STMN4: variants seen among roughly 807,000 people sequenced by gnomAD.
The protein encoded by STMN4 is stathmin-4.
In STMN4, 12 loss-of-function variants were observed where a neutral mutation model predicts 29.1. The observed-to-expected ratio is 0.41, with a 90% CI of 0.26 to 0.67. The LOEUF (loss-of-function observed/expected upper bound fraction) is 0.67. Ranked by LOEUF, STMN4 falls within the 30% of genes least tolerant of loss-of-function variation. The probability of loss-of-function intolerance (pLI) is 0.30; values close to 1 mark genes in which losing one functional copy is unlikely to be tolerated. For missense variants in STMN4, 181 were observed against 262.8 expected (o/e 0.69, Z 2.15); for synonymous variants, 114 against 105.3 (o/e 1.08, Z -0.51).
At chr8:27,239,693 G>GA (rs976295683) in intron 6 of STMN4, 9 of 1,439,166 alleles carry the variant, frequency 6.3e-6, no homozygotes, top group Non-Finnish European at 7.3e-6. Flanking sequence ...GCTTCTTCTA[G>GA]AAAATCAGAC....
chr8:27,246,404 G>T (rs564726252), intron 1 of STMN4, among the ~76,000 whole-genome samples: 3 of 152,302 alleles, frequency 2.0e-5, no homozygotes. Context: ...TAATAGCCTC[G>T]TAAGGCAGGA....
chr8:27,243,933 C>G, intron 1 of STMN4, 132 bp from the exon 2 acceptor site: 1 of 764,236 alleles, frequency 1.3e-6, no homozygotes, highest in East Asian at 2.7e-5. Context: ...CCTCTCCCCA[C>G]CAACTCTCCC....
At chr8:27,256,262 T>C (rs1345196112) in intron 1 of STMN4, among the ~76,000 whole-genome samples, 1 of 152,124 alleles carries the variant, frequency 6.6e-6, no homozygotes, top group African/African-American at 2.4e-5. Flanking sequence ...TTTTGCCAAA[T>C]GAAAAGAGTT....
At chr8:27,241,591 AG>A (rs34449438) in intron 4 of STMN4, 85 bp downstream of exon 4, 2 of 1,476,308 alleles carry the variant, frequency 1.4e-6, no homozygotes, top group South Asian at 1.2e-5. Context: ...GGTGACAGGC[AG>A]GGGTGCGTTT....
chr8:27,239,004 C>T (rs565452627), intron 6 of STMN4, among the ~76,000 whole-genome samples: 4 of 152,352 alleles, frequency 2.6e-5, no homozygotes, highest in South Asian at 2.1e-4. Context: ...AGCCTGAGGG[C>T]CGACCCAGAT....
chr8:27,246,098 A>G (rs1181388161), intron 1 of STMN4, among the ~76,000 whole-genome samples: 1 of 152,182 alleles, frequency 6.6e-6, no homozygotes, highest in Admixed American at 6.5e-5. Context: ...ATACTCACTA[A>G]TGCTTTCTCT....
chr8:27,252,375 G>A (rs1471867664), intron 1 of STMN4, among the ~76,000 whole-genome samples: 1 of 152,128 alleles, frequency 6.6e-6, no homozygotes, highest in Non-Finnish European at 1.5e-5. Flanking sequence ...AGATCCCTGA[G>A]GAATCGCCAC....
At chr8:27,240,455 C>T (rs540865111) in intron 5 of STMN4, among the ~76,000 whole-genome samples, 1 of 152,220 alleles carries the variant, frequency 6.6e-6, no homozygotes, top group Admixed American at 6.5e-5. Context: ...TACTATGTGC[C>T]AGGCACTGGT....
At chr8:27,254,442 G>A (rs147151486) in intron 1 of STMN4, among the ~76,000 whole-genome samples, 1 of 152,136 alleles carries the variant, frequency 6.6e-6, no homozygotes, top group African/African-American at 2.4e-5. Context: ...CCAGCCCCAG[G>A]CTCCCGCCTT....
chr8:27,255,553 G>T (rs73239477), intron 1 of STMN4, among the ~76,000 whole-genome samples: 9,366 of 152,130 alleles, frequency 0.062, 396 homozygotes, highest in Non-Finnish European at 0.09. Flanking sequence ...TTTCCAATCC[G>T]TCTATACAGT....
At position 27,242,435 on chromosome 8, in the gene STMN4, A is replaced by G; in HGVS notation, c.71T>C (p.Leu24Pro). 1 of 1,614,186 alleles carries G rather than the reference A, an allele frequency of 6.2e-7. No individual in the cohort carries two copies. Among genetic ancestry groups the G allele is most frequent in the Non-Finnish European group, 8.5e-7 (1 of 1,180,022 alleles). The change falls in exon 3 of 7, where the codon CTG (leucine) becomes CCG (proline). Residue 24 changes from leucine (L) to proline (P), a missense_variant. By Grantham distance (98) the Leu-to-Pro change is moderately conservative (BLOSUM62 -3). Transcript: ENST00000350889. ...PLVSLFCSCF[L>P]ADPLNKSSYK... ...GGACGACTTATTCAGGGGATCGGCC[A>G]GGAAGCAGGAGCAGAACAAGGACAC... is the stretch of plus-strand genomic sequence containing the variant.
Position 27,241,280 on chromosome 8 carries a change from G to C in STMN4, c.191-18C>G, listed in dbSNP as rs755776834. 1 of 1,614,028 alleles carries C rather than the reference G, an allele frequency of 6.2e-7. No homozygotes were observed. Among genetic ancestry groups the C allele is most frequent in the South Asian group, 1.1e-5 (1 of 91,056 alleles). On this transcript the variant is annotated intron_variant, in intron 4 of 6. Coordinates refer to ENST00000350889, the MANE Select transcript of STMN4 (RefSeq NM_030795.4). ...CGTGTCTGCTACAGAGGGCAGAGAAGGGGCTGCTCACGTCCTGAAGAATGC... is the reference window on the plus strand; with the variant it reads ...CGTGTCTGCTACAGAGGGCAGAGAACGGGCTGCTCACGTCCTGAAGAATGC...
At chr8:27,238,553 G>A (rs942162596) in intron 6 of STMN4, among the ~76,000 whole-genome samples, 14 of 152,134 alleles carry the variant, frequency 9.2e-5, no homozygotes, top group African/African-American at 3.4e-4. Flanking sequence ...TCCATTCTTG[G>A]GTGAGCTCAC....
intron 1 of STMN4, among the ~76,000 whole-genome samples, chr8:27,256,864 T>C (rs547522177): frequency 1.3e-5 from 2 of 152,230 alleles, no homozygotes; most frequent in East Asian, 1.9e-4. Flanking sequence ...CAACTTCTGC[T>C]TGAATGCCTT....
chr8:27,239,930 G>A lies in STMN4; in HGVS notation c.591+41C>T, dbSNP rs747880876. 4.3e-6 allele frequency: 7 copies of A among 1,613,954 alleles called. No homozygotes were observed. The South Asian group carries it at 7.7e-5, about 18-fold the overall frequency. ...GCATACTTGCTGCAGAAGGAAAACA[G>A]CATGTCCCAGGAAACTCCTCTCTAG... On this transcript the variant is annotated intron_variant, in intron 6 of 6. Coordinates refer to ENST00000350889, the MANE Select transcript of STMN4 (RefSeq NM_030795.4).
At chr8:27,252,189 T>A (rs1254793817) in intron 1 of STMN4, among the ~76,000 whole-genome samples, 1 of 152,150 alleles carries the variant, frequency 6.6e-6, no homozygotes, top group Non-Finnish European at 1.5e-5. Context: ...ATGTGCCACA[T>A]TTTCTTAATC....
At chr8:27,245,166 G>A (rs1801590277) in intron 1 of STMN4, among the ~76,000 whole-genome samples, 1 of 152,234 alleles carries the variant, frequency 6.6e-6, no homozygotes, top group African/African-American at 2.4e-5. Flanking sequence ...CCTGCACAGA[G>A]CTGTACAAAT....
chr8:27,256,868 A>C (rs1801956384), intron 1 of STMN4, among the ~76,000 whole-genome samples: 1 of 152,076 alleles, frequency 6.6e-6, no homozygotes, highest in Non-Finnish European at 1.5e-5. Flanking sequence ...TTCTGCTTGA[A>C]TGCCTTCAGT....
chr8:27,257,446 C>T (rs1029622182), intron 1 of STMN4, among the ~76,000 whole-genome samples: 4 of 137,558 alleles, frequency 2.9e-5, no homozygotes, highest in African/African-American at 5.4e-5. Context: ...CCTCTCCCTC[C>T]GACCCCCATA....
Sources: allele counts gnomAD v4.1 joint callset (sites outside exome capture counted in the v4.1 genomes callset), GRCh38; gene constraint gnomAD v4.1.1; transcripts MANE v1.5; gene names NCBI Gene and HGNC (gene_info 2026-07-23, HGNC 2026-07-21).